The following CACNA1C variants were observed in gnomAD, a reference collection of about 807,000 sequenced individuals.
CACNA1C encodes the protein voltage-dependent L-type calcium channel subunit alpha-1C.
In CACNA1C, 30 loss-of-function variants were observed where a neutral mutation model predicts 229.0. The observed-to-expected ratio is 0.13, with a 90% CI of 0.10 to 0.18. CACNA1C has a LOEUF of 0.18. Among genes scored for constraint, CACNA1C ranks in the 10% least tolerant of loss-of-function variants. The pLI is 1.00. For synonymous variants in CACNA1C, 1,114 were observed against 1,132.5 expected (o/e 0.98, Z 0.33); for missense variants, 1,658 against 2,845.0 (o/e 0.58, Z 9.49).
At chr12:2,234,105 G>A (rs995180716) in intron 3 of CACNA1C, among the ~76,000 whole-genome samples, 1 of 152,122 alleles carries the variant, frequency 6.6e-6, no homozygotes, top group Non-Finnish European at 1.5e-5. Context: ...GGCCCAGAAA[G>A]GTGTCTCCAG....
At chr12:2,238,822 T>G (rs1486828635) in intron 3 of CACNA1C, among the ~76,000 whole-genome samples, 1 of 152,134 alleles carries the variant, frequency 6.6e-6, no homozygotes, top group Non-Finnish European at 1.5e-5. Flanking sequence ...AGGCTGAAAT[T>G]TGGGGACTCA....
intron 3 of CACNA1C, among the ~76,000 whole-genome samples, chr12:2,299,698 T>A (rs1720606021): frequency 6.6e-6 from 1 of 152,156 alleles, no homozygotes; most frequent in African/African-American, 2.4e-5. Context: ...ATGCTTTTGA[T>A]TCAGAAACCA....
At chr12:2,071,893 C>T (rs2061477742) in intron 1 of CACNA1C, among the ~76,000 whole-genome samples, 1 of 151,984 alleles carries the variant, frequency 6.6e-6, no homozygotes, top group African/African-American at 2.4e-5. Context: ...TTCTCCATTC[C>T]TTGGTGCTCT....
At chr12:2,451,998 C>A (rs74062378) in intron 4 of CACNA1C, among the ~76,000 whole-genome samples, 14,119 of 152,222 alleles carry the variant, frequency 0.093, 1,036 homozygotes, top group African/African-American at 0.2. Flanking sequence ...TTCAGCTCAT[C>A]TCCTTTTTCT....
intron 29 of CACNA1C, 128 bp from the exon 30 acceptor site, chr12:2,634,169 T>C (rs962258619): frequency 3.8e-6 from 2 of 520,748 alleles, no homozygotes; most frequent in Non-Finnish European, 6.7e-6. Context: ...CTCATTTTTT[T>C]TCTCTTCTCT....
At chr12:2,068,416 G>T (rs2060153895) in intron 1 of CACNA1C, among the ~76,000 whole-genome samples, 1 of 152,230 alleles carries the variant, frequency 6.6e-6, no homozygotes, top group Admixed American at 6.5e-5. Context: ...CAAAGACCTA[G>T]TGTCTCTGAG....
chr12:2,238,109 A>G (rs1384430245), intron 3 of CACNA1C, among the ~76,000 whole-genome samples: 1 of 152,230 alleles, frequency 6.6e-6, no homozygotes, highest in Non-Finnish European at 1.5e-5. Flanking sequence ...CAAAACAGAC[A>G]GAATCAGGTT....
chr12:2,244,488 C>A (rs2072126294), intron 3 of CACNA1C, among the ~76,000 whole-genome samples: 1 of 152,220 alleles, frequency 6.6e-6, no homozygotes, highest in African/African-American at 2.4e-5. Flanking sequence ...CGGAAACTGC[C>A]CCCCAGGTCC....
At position 2,596,281 on chromosome 12, in the gene CACNA1C, T is replaced by G. The variant is rs145453128; in HGVS notation, c.2793+278T>G. 7.4e-4 allele frequency: 236 copies of G among 320,394 alleles called. 2 individuals carry two copies. In the South Asian group the frequency reaches 0.015, roughly 20 times the overall value. 19.8% of individuals were successfully genotyped at this position (320,394 alleles called of 1,614,324 possible). ...TGGATGTTCCCCAGGAAGCTCTAGT[T>G]CCCTGCAAACTTAGTAAAATGTGGC... On this transcript the variant is annotated intron_variant, in intron 20 of 46. Transcript: ENST00000399655.
At chr12:2,041,227 G>A (rs940279785) in intron 1 of CACNA1C, among the ~76,000 whole-genome samples, 1 of 148,658 alleles carries the variant, frequency 6.7e-6, no homozygotes, top group Non-Finnish European at 1.5e-5. Context: ...GGTTGAAAAA[G>A]ACTGCTTAGG....
chr12:2,589,120 C>T (rs144268325), intron 18 of CACNA1C, among the ~76,000 whole-genome samples: 3 of 152,274 alleles, frequency 2.0e-5, no homozygotes, highest in Non-Finnish European at 4.4e-5. Context: ...TCATGAACTA[C>T]TCATGAAGCA....
intron 3 of CACNA1C, among the ~76,000 whole-genome samples, chr12:2,360,156 A>ACCCCCCCCCCC (rs796441635): frequency 1.2e-4 from 7 of 57,020 alleles, no homozygotes; most frequent in African/African-American, 1.5e-4. Flanking sequence ...AACACACCCC[A>ACCCCCCCCCCC]CCCCCCCCCA....
intron 3 of CACNA1C, among the ~76,000 whole-genome samples, chr12:2,391,208 C>A (rs560991702): frequency 7.9e-5 from 12 of 152,242 alleles, no homozygotes; most frequent in Admixed American, 3.3e-4. Flanking sequence ...TCACCAAAGG[C>A]CATTTGGGGC....
intron 5 of CACNA1C, among the ~76,000 whole-genome samples, chr12:2,476,953 A>G (rs1167348240): frequency 6.6e-6 from 1 of 152,242 alleles, no homozygotes; most frequent in Non-Finnish European, 1.5e-5. Context: ...TTCTTTTCCC[A>G]GTAAGAAAAT....
chr12:2,322,213 A>G (rs2096037723), intron 3 of CACNA1C, among the ~76,000 whole-genome samples: 1 of 152,190 alleles, frequency 6.6e-6, no homozygotes, highest in Non-Finnish European at 1.5e-5. Context: ...GAGCCCGGGA[A>G]AGGCACATCT....
chr12:2,569,945 A>T (rs1018454748), intron 13 of CACNA1C, among the ~76,000 whole-genome samples: 1 of 152,208 alleles, frequency 6.6e-6, no homozygotes, highest in African/African-American at 2.4e-5. Flanking sequence ...TCACATTCTC[A>T]CAAGCATCGT....
rs2052850963 is a variant in CACNA1C, at chr12:2,053,266, T to C, written c.-297T>C. 5.5e-6 allele frequency: 6 copies of C among 1,098,340 alleles called. No individual in the cohort carries two copies. The highest frequency in any genetic ancestry group is 5.1e-5 in the Admixed American group (1 of 19,530). The allele number at this position is 1,098,340 out of a possible 1,614,324, so 68.0% of individuals were successfully genotyped here. ...TCTCCCGATTTATTTTTTCAAATGG[T>C]GTAGCCGCCGGAGGTGCGGTGCTCA... On this transcript the variant is annotated 5_prime_UTR_variant, in exon 1 of 47. Transcript: ENST00000399655. This position sits in a 1 kb window ranked among gnomAD's most constrained non-coding sequence, Gnocchi z 5.8.
chr12:1,974,449 G>A (rs2033643922), intron 1 of CACNA1C, among the ~76,000 whole-genome samples: 1 of 152,124 alleles, frequency 6.6e-6, no homozygotes, highest in Non-Finnish European at 1.5e-5. Context: ...TATTTCGATT[G>A]ATCCAGCACT....
chr12:2,407,805 C>T (rs2098755773), intron 3 of CACNA1C, among the ~76,000 whole-genome samples: 3 of 152,242 alleles, frequency 2.0e-5, no homozygotes, highest in Non-Finnish European at 2.9e-5. Flanking sequence ...CTAGTGATGT[C>T]GAGCATCTTT....
Sources: allele counts gnomAD v4.1 joint callset (sites outside exome capture counted in the v4.1 genomes callset), GRCh38; gene constraint gnomAD v4.1.1; non-coding constraint Gnocchi (gnomAD v3.1); transcripts MANE v1.5; gene names NCBI Gene and HGNC (gene_info 2026-07-23, HGNC 2026-07-21).